CTNNA2: variants seen among roughly 807,000 people sequenced by gnomAD.
CTNNA2 encodes the protein catenin alpha-2.
In CTNNA2, 42 loss-of-function variants were observed where a neutral mutation model predicts 101.0. The ratio of observed to expected loss-of-function variants is 0.42; its 90% CI spans 0.32 to 0.54. The LOEUF is 0.54. Ranked by LOEUF, CTNNA2 falls within the 20% of genes least tolerant of loss-of-function variation. The pLI is 0.14. For missense variants in CTNNA2, 871 were observed against 1,223.1 expected (o/e 0.71, Z 4.29); for synonymous variants, 450 against 456.4 (o/e 0.99, Z 0.18).
intron 2 of CTNNA2, among the ~76,000 whole-genome samples, chr2:79,204,565 T>A (rs562571267): frequency 6.6e-6 from 1 of 152,230 alleles, no homozygotes; most frequent in African/African-American, 2.4e-5. Flanking sequence ...TTTTAAAATA[T>A]GTCCATAATT....
chr2:80,384,636 A>G (rs1676837315), intron 7 of CTNNA2, among the ~76,000 whole-genome samples: 1 of 151,642 alleles, frequency 6.6e-6, no homozygotes, highest in South Asian at 2.1e-4. Context: ...TTTGAGGAAC[A>G]GTATGAATCC....
chr2:80,062,909 G>A (rs1465928132), intron 7 of CTNNA2, among the ~76,000 whole-genome samples: 1 of 152,016 alleles, frequency 6.6e-6, no homozygotes, highest in African/African-American at 2.4e-5. Flanking sequence ...GTTTCACCGT[G>A]TTAGCTAGGA....
At chr2:79,452,703 TA>T (rs1389123054) in intron 4 of CTNNA2, among the ~76,000 whole-genome samples, 2 of 152,010 alleles carry the variant, frequency 1.3e-5, no homozygotes, top group Non-Finnish European at 2.9e-5. Flanking sequence ...ATGGTCTTGC[TA>T]AATAATATAG....
In CTNNA2 at chr2:79,480,585, T is replaced by C. The variant is rs1671098223; in HGVS notation, c.-134-24469T>C. 2.0e-5 allele frequency among the ~76,000 whole-genome samples: 3 copies of C among 152,352 alleles called. No individual in the cohort carries two copies. In the East Asian group the frequency reaches 5.8e-4, roughly 29 times the overall value. Reference sequence around the variant, plus strand: ...AGATGCATCTTCTACATTTGTTATCTTTTTTCTCATTTCTTTTTAATATCT... The same window carrying C: ...AGATGCATCTTCTACATTTGTTATCCTTTTTCTCATTTCTTTTTAATATCT... On this transcript the variant is annotated intron_variant, in intron 4 of 21. Transcript: ENST00000466387.
chr2:80,199,134 TTGTG>T (rs1707030924), intron 7 of CTNNA2, among the ~76,000 whole-genome samples: 1 of 137,874 alleles, frequency 7.3e-6, no homozygotes. Flanking sequence ...TGAGCTGAGA[TTGTG>T]CCATTGCACT....
intron 4 of CTNNA2, among the ~76,000 whole-genome samples, chr2:79,495,007 G>C (rs918874310): frequency 3.3e-5 from 5 of 152,070 alleles, no homozygotes; most frequent in African/African-American, 1.2e-4. Context: ...GGAGGCTGAG[G>C]CAGGAGAATG....
At position 79,414,914 on chromosome 2, in the gene CTNNA2, C is replaced by T. The variant is rs28716950; in HGVS notation, c.-135+40901C>T. Among the ~76,000 whole-genome samples the T allele has an allele frequency of 5.3e-3, 812 of 152,192 alleles. 7 individuals are homozygous for T. Among genetic ancestry groups the T allele is most frequent in the African/African-American group, 0.018 (734 of 41,540 alleles). ...CCAGTGAGGAATTTCCCACCTGGCC[C>T]GGCCCAAGTTGCTGATTCACAGAAT... On this transcript the variant is annotated intron_variant, in intron 4 of 21. Coordinates refer to the CTNNA2 transcript ENST00000466387.
At chr2:79,533,460 C>A (rs939126073) in intron 1 of CTNNA2, among the ~76,000 whole-genome samples, 1 of 152,188 alleles carries the variant, frequency 6.6e-6, no homozygotes, top group South Asian at 2.1e-4. Context: ...ATCAATTTTA[C>A]AGTATCTAAA....
At chr2:80,306,515 G>A (rs1677037067) in intron 7 of CTNNA2, among the ~76,000 whole-genome samples, 1 of 145,526 alleles carries the variant, frequency 6.9e-6, no homozygotes, top group Admixed American at 7.0e-5. Context: ...TGTCACTCTT[G>A]CTGCCTACCT....
At chr2:79,582,943 T>C (rs1223207322) in intron 1 of CTNNA2, among the ~76,000 whole-genome samples, 1 of 152,104 alleles carries the variant, frequency 6.6e-6, no homozygotes, top group Non-Finnish European at 1.5e-5. Flanking sequence ...CCCTGTAGTT[T>C]TGTGTATCTC....
At chr2:79,610,791 G>GT (rs1678219630) in intron 1 of CTNNA2, among the ~76,000 whole-genome samples, 1 of 152,082 alleles carries the variant, frequency 6.6e-6, no homozygotes, top group Non-Finnish European at 1.5e-5. Context: ...CTTGTTTGCG[G>GT]TTTTTTCTGA....
chr2:79,874,115 G>A lies in CTNNA2; in HGVS notation c.625G>A (p.Ala209Thr). ...DPHCRDEMAA[A>T]RGALKKNATM... ...TCACTGTCGGGATGAGATGGCAGCC[G>A]CCCGAGGGGCTCTGAAGAAGAATGC... Residue 209 changes from alanine (A) to threonine (T), a missense_variant, in exon 6 of 19, where the codon GCC becomes ACC. By Grantham distance (58) the Ala-to-Thr change is moderately conservative. Around this residue, in one of 5 missense-constraint regions of CTNNA2, gnomAD observed 647 missense variants for 831.5 expected, o/e 0.78. Transcript: ENST00000402739. 6.8e-6 allele frequency: 11 copies of A among 1,614,154 alleles called. No individual in the cohort carries two copies. Among genetic ancestry groups the A allele is most frequent in the Non-Finnish European group, 8.5e-6 (10 of 1,180,034 alleles).
At chr2:80,343,159 A>C (rs1381649644) in intron 7 of CTNNA2, among the ~76,000 whole-genome samples, 1 of 152,184 alleles carries the variant, frequency 6.6e-6, no homozygotes, top group East Asian at 1.9e-4. Flanking sequence ...AGTCACATTC[A>C]CAGGTACCAG....
In CTNNA2 at chr2:80,341,653, T is replaced by A. The variant is rs568882597; in HGVS notation, c.1057-51558T>A. Among the ~76,000 whole-genome samples, 8 of 152,308 alleles carry A rather than the reference T, an allele frequency of 5.3e-5. No individual in the cohort carries two copies. In the South Asian group the frequency reaches 1.7e-3, roughly 32 times the overall value. The stretch of plus-strand genomic sequence containing the variant: ...GATATGGAGAAATTAGAACCCTCAC[T>A]CATTGCTGATAGGAATGTAGAATGG... On this transcript the variant is annotated intron_variant, in intron 7 of 18. Coordinates refer to ENST00000402739, the MANE Select transcript of CTNNA2 (RefSeq NM_001282597.3).
intron 8 of CTNNA2, among the ~76,000 whole-genome samples, chr2:80,402,277 A>G (rs1678623628): frequency 6.6e-6 from 1 of 152,274 alleles, no homozygotes; most frequent in South Asian, 2.1e-4. Context: ...CCATTTTTTC[A>G]GCAACCAATA....
At chr2:79,444,106 A>G (rs1053574480) in intron 4 of CTNNA2, among the ~76,000 whole-genome samples, 2 of 152,066 alleles carry the variant, frequency 1.3e-5, no homozygotes, top group African/African-American at 4.8e-5. Context: ...TTGAGCCTTC[A>G]GATGAGACGA....
chr2:79,759,938 C>G (rs1006609000), intron 3 of CTNNA2, among the ~76,000 whole-genome samples: 1 of 152,098 alleles, frequency 6.6e-6, no homozygotes, highest in Non-Finnish European at 1.5e-5. Flanking sequence ...CCCCTCATTC[C>G]TCACATCCAA....
At chr2:80,523,389 G>A (rs190367024) in intron 9 of CTNNA2, among the ~76,000 whole-genome samples, 291 of 152,228 alleles carry the variant, frequency 1.9e-3, no homozygotes, top group African/African-American at 5.9e-3. Flanking sequence ...AAGAAACTCC[G>A]TATGAATGAC....
intron 1 of CTNNA2, among the ~76,000 whole-genome samples, chr2:79,525,106 G>A (rs1041850819): frequency 1.3e-5 from 2 of 151,804 alleles, no homozygotes; most frequent in African/African-American, 4.8e-5. Flanking sequence ...GTCATCATTT[G>A]CATTTTGAAG....
Sources: gnomAD v4.1 joint callset for allele counts (sites outside exome capture counted in the v4.1 genomes callset) on GRCh38, gnomAD v4.1.1 for gene constraint, gnomAD v4.1.1 regional missense constraint, MANE v1.5 for transcripts, NCBI Gene and HGNC (gene_info 2026-07-23, HGNC 2026-07-21) for gene names.